The following DYNC1I1 variants were observed in gnomAD, a reference collection of about 807,000 sequenced individuals.
DYNC1I1 encodes the protein cytoplasmic dynein 1 intermediate chain 1.
A neutral mutation model predicts 86.6 loss-of-function variants in DYNC1I1; 43 were observed. The observed-to-expected ratio is 0.50, with a 90% CI of 0.39 to 0.64. The LOEUF (loss-of-function observed/expected upper bound fraction) is 0.64. Among genes scored for constraint, DYNC1I1 ranks in the 30% least tolerant of loss-of-function variants. The pLI is 0.00. For synonymous variants in DYNC1I1, 262 were observed against 283.7 expected (o/e 0.92, Z 0.77); for missense variants, 604 against 788.8 (o/e 0.77, Z 2.81).
chr7:95,986,213 C>T (rs1031110252), intron 8 of DYNC1I1, among the ~76,000 whole-genome samples: 11 of 152,316 alleles, frequency 7.2e-5, no homozygotes, highest in Admixed American at 3.9e-4. Flanking sequence ...ATGCAGGGCG[C>T]AAGCCAGCAG....
chr7:95,968,439 G>A (rs759067898), intron 6 of DYNC1I1, among the ~76,000 whole-genome samples: 14 of 152,212 alleles, frequency 9.2e-5, no homozygotes, highest in South Asian at 2.1e-4. Context: ...TCCTTACAGC[G>A]AAAATAGTGC....
At chr7:95,773,078 G>A (rs988289543) in intron 1 of DYNC1I1, among the ~76,000 whole-genome samples, 47 of 152,192 alleles carry the variant, frequency 3.1e-4, no homozygotes, top group Non-Finnish European at 7.3e-5. Flanking sequence ...GTCCCAGTGC[G>A]CCCCGCCTCG....
intron 5 of DYNC1I1, among the ~76,000 whole-genome samples, chr7:95,838,993 C>G (rs1677842): frequency 0.42 from 63,191 of 151,908 alleles, 13,581 homozygotes; most frequent in East Asian, 0.58. Flanking sequence ...CTAAGACTTC[C>G]AGTATTAGGT....
At chr7:95,806,771 C>G (rs1794710206) in intron 2 of DYNC1I1, among the ~76,000 whole-genome samples, 1 of 152,160 alleles carries the variant, frequency 6.6e-6, no homozygotes, top group South Asian at 2.1e-4. Flanking sequence ...GAAATCTTTT[C>G]CCTTCACACC....
intron 16 of DYNC1I1, among the ~76,000 whole-genome samples, chr7:96,086,788 T>C (rs1790694022): frequency 6.6e-6 from 1 of 152,198 alleles, no homozygotes; most frequent in Admixed American, 6.5e-5. Context: ...CATTTGAATA[T>C]ATTTTAAAGC....
intron 14 of DYNC1I1, among the ~76,000 whole-genome samples, chr7:96,062,357 G>T (rs990782408): frequency 6.6e-6 from 1 of 152,010 alleles, no homozygotes; most frequent in African/African-American, 2.4e-5. Flanking sequence ...ATGACCTCTG[G>T]TTTTGCTTAT....
intron 5 of DYNC1I1, among the ~76,000 whole-genome samples, chr7:95,829,077 C>G (rs1185170040): frequency 1.3e-5 from 2 of 152,116 alleles, no homozygotes. Flanking sequence ...TTTTATGGAA[C>G]CATTATCTTT....
intron 10 of DYNC1I1, among the ~76,000 whole-genome samples, chr7:95,997,251 T>C (rs916219952): frequency 2.6e-5 from 4 of 152,262 alleles, no homozygotes; most frequent in Admixed American, 1.3e-4. Flanking sequence ...CAGCTTGATA[T>C]GCTCCTTCTG....
exon 17 of DYNC1I1, chr7:96,109,998 G>T: frequency 2.5e-6 from 1 of 393,630 alleles, no homozygotes; most frequent in Non-Finnish European, 5.1e-6. Context: ...ATGTTGCCAG[G>T]CTGGTCTCAA....
At chr7:96,082,769 T>C (rs1269862275) in intron 16 of DYNC1I1, among the ~76,000 whole-genome samples, 1 of 152,212 alleles carries the variant, frequency 6.6e-6, no homozygotes, top group African/African-American at 2.4e-5. Flanking sequence ...TGACATATTT[T>C]GTGAGTAAAT....
chr7:95,878,913 C>A (rs1790377109), intron 6 of DYNC1I1, among the ~76,000 whole-genome samples: 3 of 143,362 alleles, frequency 2.1e-5, no homozygotes, highest in African/African-American at 2.6e-5. Context: ...GACCAGAAGA[C>A]AGTGGTGTGG....
At chr7:95,985,016 G>C in intron 8 of DYNC1I1, 39 bp downstream of exon 8, 1 of 1,595,900 alleles carries the variant, frequency 6.3e-7, no homozygotes, top group Non-Finnish European at 8.5e-7. Context: ...AATAGCGTAA[G>C]TTATCTGTTA....
At chr7:96,058,959 T>A (rs540377502) in intron 14 of DYNC1I1, among the ~76,000 whole-genome samples, 1 of 152,176 alleles carries the variant, frequency 6.6e-6, no homozygotes, top group African/African-American at 2.4e-5. Context: ...ATTCTTGTTA[T>A]GTACAACAGT....
At chr7:95,941,743 A>G (rs1316319658) in intron 6 of DYNC1I1, among the ~76,000 whole-genome samples, 1 of 152,188 alleles carries the variant, frequency 6.6e-6, no homozygotes, top group African/African-American at 2.4e-5. Context: ...CTTCCTGACC[A>G]CTTGCGCTTC....
chr7:96,017,944 A>C (rs1185785830), intron 10 of DYNC1I1, among the ~76,000 whole-genome samples: 1 of 152,174 alleles, frequency 6.6e-6, no homozygotes, highest in Non-Finnish European at 1.5e-5. Context: ...TGAAATGATT[A>C]ATTGGTCTCA....
At chr7:95,833,691 T>A (rs1465014740) in intron 5 of DYNC1I1, among the ~76,000 whole-genome samples, 1 of 150,208 alleles carries the variant, frequency 6.7e-6, no homozygotes, top group African/African-American at 2.5e-5. Flanking sequence ...CTCACGTCCC[T>A]TGTAAGTTGG....
At chr7:95,883,472 G>A (rs1264002647) in intron 6 of DYNC1I1, among the ~76,000 whole-genome samples, 4 of 152,188 alleles carry the variant, frequency 2.6e-5, no homozygotes, top group African/African-American at 9.6e-5. Flanking sequence ...GATGTTTTAT[G>A]TGAGAGATGT....
intron 8 of DYNC1I1, 135 bp downstream of exon 8, chr7:95,985,112 C>A: frequency 8.2e-7 from 1 of 1,223,918 alleles, no homozygotes; most frequent in Non-Finnish European, 1.1e-6. Flanking sequence ...TCTTGCTGAA[C>A]AGCTTTGACT....
chr7:96,080,246 T>C, intron 15 of DYNC1I1, 117 bp from the exon 16 acceptor site: 1 of 1,328,568 alleles, frequency 7.5e-7, no homozygotes, highest in South Asian at 1.6e-5. Context: ...GGGATGTGTA[T>C]TACTTAATGC....
Sources: allele counts gnomAD v4.1 joint callset (sites outside exome capture counted in the v4.1 genomes callset), GRCh38; gene constraint gnomAD v4.1.1; transcripts MANE v1.5; gene names NCBI Gene and HGNC (gene_info 2026-07-23, HGNC 2026-07-21).